The following TCEANC2 variants were observed in gnomAD, a reference collection of about 807,000 sequenced individuals.
The protein encoded by TCEANC2 is transcription elongation factor A N-terminal and central domain containing 2.
Under a neutral mutation model 22.8 loss-of-function variants are expected in TCEANC2, and 20 were observed. The observed-to-expected ratio is 0.88, with a 90% CI of 0.62 to 1.28. The LOEUF is 1.28. Among genes scored for constraint, TCEANC2 ranks in the 50% most tolerant of loss-of-function variants. The pLI is 0.00. For missense variants in TCEANC2, 251 were observed against 249.7 expected, an observed-to-expected ratio of 1.01 and a Z score of -0.03; for synonymous variants, 84 against 95.5, an observed-to-expected ratio of 0.88 and a Z score of 0.70.
In TCEANC2 at chr1:54,054,412, G is replaced by T. The variant is rs1327318378; in HGVS notation, c.-11G>T. ...CTGCAAGCACGTCAAGGTAGTCGGAGTCCCCTAACAATGGATAAATTCGTC... is the reference window on the plus strand; with the variant it reads ...CTGCAAGCACGTCAAGGTAGTCGGATTCCCCTAACAATGGATAAATTCGTC... On this transcript the variant is annotated 5_prime_UTR_variant, in exon 2 of 5. Coordinates refer to ENST00000234827, the MANE Select transcript of TCEANC2 (RefSeq NM_153035.3). 6.2e-7 allele frequency: 1 copy of T among 1,613,934 alleles called. No homozygotes were observed. The highest frequency in any genetic ancestry group is 2.2e-5 in the East Asian group (1 of 44,860).
At chr1:54,092,294 T>G (rs1658460374) in intron 4 of TCEANC2, among the ~76,000 whole-genome samples, 1 of 152,156 alleles carries the variant, frequency 6.6e-6, no homozygotes, top group Admixed American at 6.5e-5. Flanking sequence ...AAACGATTAA[T>G]TAAAATATGA....
chr1:54,071,202 G>T (rs969507647), intron 3 of TCEANC2, among the ~76,000 whole-genome samples: 3 of 152,194 alleles, frequency 2.0e-5, no homozygotes, highest in African/African-American at 7.2e-5. Context: ...ATATGTATTA[G>T]TTATCTATCA....
rs1469680114 is a variant in TCEANC2, at chr1:54,105,057, C to G, written c.*8584C>G. ...TGAGTATCAGTTGTGGCCTCAAGAC[C>G]AGTCAGTGATGGAGGTTGTAGTTTG... On this transcript the variant is annotated 3_prime_UTR_variant, in exon 5 of 5. Transcript: ENST00000234827. 1.3e-5 allele frequency: 2 copies of G among 156,264 alleles called. No homozygotes were observed. The highest frequency in any genetic ancestry group is 2.9e-5 in the Non-Finnish European group (2 of 70,162). The allele number at this position is 156,264 out of a possible 1,614,324, so 9.7% of individuals were successfully genotyped here. A position where few individuals can be genotyped will look rare whatever the true frequency, so the allele number is the denominator to read the frequency against.
chr1:54,076,965 G>T (rs1658155398), intron 3 of TCEANC2, among the ~76,000 whole-genome samples: 1 of 150,912 alleles, frequency 6.6e-6, no homozygotes, highest in Admixed American at 6.6e-5. Flanking sequence ...GCTGGAGTAG[G>T]CCTCATTGAG....
rs1658585892 is a variant in TCEANC2 at position 54,097,767 on chromosome 1, T to A, written c.*1294T>A. On this transcript the variant is annotated 3_prime_UTR_variant, in exon 5 of 5. Coordinates refer to ENST00000234827, the MANE Select transcript of TCEANC2 (RefSeq NM_153035.3). ...GCATCCATTCTGTGGGGTAGGTGTA[T>A]ACTGAGCAGTAGTTACAAATGGGAG... The A allele has an allele frequency of 1.3e-5, 2 of 152,238 alleles. No individual in the cohort carries two copies. Among genetic ancestry groups the A allele is most frequent in the South Asian group, 4.1e-4 (2 of 4,832 alleles). 9.4% of individuals were successfully genotyped at this position (152,238 alleles called of 1,614,324 possible). A position where few individuals can be genotyped will look rare whatever the true frequency, so the allele number is the denominator to read the frequency against.
rs143447897 is a variant in TCEANC2, at chr1:54,054,496, A to T, written c.74A>T (p.Tyr25Phe). 1.5e-5 allele frequency: 25 copies of T among 1,613,694 alleles called. No individual in the cohort carries two copies. The highest frequency in any genetic ancestry group is 1.9e-5 in the Non-Finnish European group (23 of 1,179,880). Residue 25 changes from tyrosine to phenylalanine, a missense_variant, in exon 2 of 5, where the codon TAC (tyrosine) becomes TTC (phenylalanine). Physicochemically the swap from Tyr to Phe is conservative, Grantham distance 22. Coordinates refer to ENST00000234827, the MANE Select transcript of TCEANC2 (RefSeq NM_153035.3). Reference sequence around the variant, plus strand: ...AAGAAAGATTCTGGAGGAAAGGTTTACAAGCAGGCCACGATTGAATCTCTG... The same window carrying T: ...AAGAAAGATTCTGGAGGAAAGGTTTTCAAGCAGGCCACGATTGAATCTCTG... ...PQKKDSGGKV[Y>F]KQATIESLKR...
intron 3 of TCEANC2, among the ~76,000 whole-genome samples, chr1:54,070,991 G>A (rs552394605): frequency 2.6e-5 from 4 of 152,342 alleles, no homozygotes; most frequent in South Asian, 2.1e-4. Flanking sequence ...TGAAGAATGT[G>A]TCAGGCCGGG....
At chr1:54,088,495 T>C in intron 3 of TCEANC2, 102 bp from the exon 4 acceptor site, 2 of 860,676 alleles carry the variant, frequency 2.3e-6, no homozygotes, top group Non-Finnish European at 3.5e-6. Context: ...TCCTTGGGTG[T>C]GTGAATGACT....
At chr1:54,083,287 A>G (rs1185492599) in intron 3 of TCEANC2, among the ~76,000 whole-genome samples, 1 of 152,206 alleles carries the variant, frequency 6.6e-6, no homozygotes, top group Non-Finnish European at 1.5e-5. Context: ...TAGCTGGACC[A>G]CAGGAGTGGG....
chr1:54,061,534 A>G (rs1657855820), intron 2 of TCEANC2, among the ~76,000 whole-genome samples: 1 of 152,234 alleles, frequency 6.6e-6, no homozygotes, highest in South Asian at 2.1e-4. Flanking sequence ...TGGTCCAGGC[A>G]TTGTGCTAAC....
chr1:54,070,062 A>G (rs1171119798), intron 3 of TCEANC2, among the ~76,000 whole-genome samples: 1 of 152,216 alleles, frequency 6.6e-6, no homozygotes, highest in Non-Finnish European at 1.5e-5. Flanking sequence ...ACTGGCACTA[A>G]CAGCTGGGAA....
At position 54,104,488 on chromosome 1, in the gene TCEANC2, T is replaced by G. The variant is rs552909950; in HGVS notation, c.*8015T>G. The G allele has an allele frequency of 2.1e-4, 84 of 402,248 alleles. 2 individuals carry two copies. The highest frequency in any genetic ancestry group is 1.5e-3 in the South Asian group (84 of 54,458). The allele number at this position is 402,248 out of a possible 1,614,324, so 24.9% of individuals were successfully genotyped here. On this transcript the variant is annotated 3_prime_UTR_variant, in exon 5 of 5. Transcript: ENST00000234827. ...AAGCAATGGAGGGAAGGGAGGTATATCTTTGGTACTCAGTTGATTCACGTG... is the reference window on the plus strand; with the variant it reads ...AAGCAATGGAGGGAAGGGAGGTATAGCTTTGGTACTCAGTTGATTCACGTG...
At chr1:54,095,872 C>T (rs1359069452) in intron 4 of TCEANC2, among the ~76,000 whole-genome samples, 4 of 152,104 alleles carry the variant, frequency 2.6e-5, no homozygotes, top group Admixed American at 2.6e-4. Flanking sequence ...GTTCTGTACA[C>T]ATATTAGGAT....
chr1:54,077,846 C>T (rs1658170341), intron 3 of TCEANC2, among the ~76,000 whole-genome samples: 2 of 152,080 alleles, frequency 1.3e-5, no homozygotes, highest in African/African-American at 2.4e-5. Flanking sequence ...CAGTCCTTGT[C>T]CTCTCTCCCC....
intron 3 of TCEANC2, among the ~76,000 whole-genome samples, chr1:54,083,582 T>C (rs1479478851): frequency 6.6e-6 from 1 of 152,178 alleles, no homozygotes; most frequent in East Asian, 1.9e-4. Flanking sequence ...GGGACTTCTG[T>C]ATTATTTCTC....
At chr1:54,058,268 G>C (rs1284239000) in intron 2 of TCEANC2, among the ~76,000 whole-genome samples, 1 of 151,968 alleles carries the variant, frequency 6.6e-6, no homozygotes, top group South Asian at 2.1e-4. Context: ...CTACTATTGG[G>C]CCCTTCCTGA....
At chr1:54,065,021 T>C (rs1379632905) in intron 2 of TCEANC2, among the ~76,000 whole-genome samples, 1 of 152,126 alleles carries the variant, frequency 6.6e-6, no homozygotes, top group Non-Finnish European at 1.5e-5. Context: ...TTTGATTTAG[T>C]TCTAGGAAGT....
chr1:54,081,020 G>A (rs996450150), intron 3 of TCEANC2, among the ~76,000 whole-genome samples: 2 of 152,160 alleles, frequency 1.3e-5, no homozygotes, highest in African/African-American at 4.8e-5. Flanking sequence ...GAATAGTAGA[G>A]GGTTAAAGCG....
intron 2 of TCEANC2, among the ~76,000 whole-genome samples, chr1:54,062,222 G>C (rs1238383696): frequency 3.9e-5 from 6 of 152,172 alleles, no homozygotes; most frequent in African/African-American, 1.4e-4. Context: ...TGTAAAACCA[G>C]ATGGTATATT....
Sources: allele counts gnomAD v4.1 joint callset (sites outside exome capture counted in the v4.1 genomes callset), GRCh38; gene constraint gnomAD v4.1.1; transcripts MANE v1.5; gene names NCBI Gene and HGNC (gene_info 2026-07-23, HGNC 2026-07-21).